IDH3G: variants seen among roughly 807,000 people sequenced by gnomAD.
The protein encoded by IDH3G is isocitrate dehydrogenase (NAD(+)) 3 non-catalytic subunit gamma.
A neutral mutation model predicts 26.9 loss-of-function variants in IDH3G; 9 were observed. The observed-to-expected ratio is 0.34, with a 90% CI of 0.20 to 0.58. IDH3G has a LOEUF of 0.58. IDH3G is among the 20% of genes least tolerant of loss of function. The pLI, the probability that IDH3G is intolerant of heterozygous loss-of-function variation, is 0.85. For synonymous variants in IDH3G, 181 were observed against 160.0 expected (o/e 1.13, Z -0.99); for missense variants, 250 against 372.8 (o/e 0.67, Z 2.71).
intron 1 of IDH3G, chrX:153,793,943 G>A (rs1352997954): frequency 4.6e-6 from 1 of 218,962 alleles, no homozygotes; most frequent in Non-Finnish European, 8.3e-6. Context: ...ATACGTGAGT[G>A]ACTGCCTCAG....
At chrX:153,791,163 C>T (rs1321309162) in intron 1 of IDH3G, 1 of 300,563 alleles carries the variant, frequency 3.3e-6, no homozygotes, top group African/African-American at 2.7e-5. Flanking sequence ...GTTATTCCCG[C>T]TCAGCGATGT....
rs782138018 is a variant in IDH3G, at chrX:153,786,962, G to T, written c.778-15C>A. ...CGGGACACCAGCTGCGGGACAAGGA[G>T]GGGGCTGGCTGAGGAGCAGATTCGG... On this transcript the variant is annotated splice_polypyrimidine_tract_variant and intron_variant, in intron 9 of 12. Coordinates refer to ENST00000217901, the MANE Select transcript of IDH3G (RefSeq NM_004135.4). 1.7e-6 allele frequency: 2 copies of T among 1,203,963 alleles called. No individual in the cohort carries two copies. The highest frequency in any genetic ancestry group is 3.5e-5 in the South Asian group (2 of 56,637).
intron 10 of IDH3G, 93 bp from the exon 11 acceptor site, chrX:153,786,542 A>G (rs2092088814): frequency 2.7e-6 from 2 of 750,731 alleles, no homozygotes; most frequent in Admixed American, 2.8e-5. Flanking sequence ...AAGCCACTCC[A>G]CAGGGACAAA....
At chrX:153,792,695 T>C (rs1331507755) in intron 1 of IDH3G, among the ~76,000 whole-genome samples, 2 of 112,679 alleles carry the variant, frequency 1.8e-5, no homozygotes, top group Admixed American at 9.4e-5. Flanking sequence ...CCGGTCCCTG[T>C]GCCAGGTGTT....
rs73634686 is a variant in IDH3G at position 153,787,004 on chromosome X, A to C, written c.777+47T>G. ...CAGATTCGGAAGCATGGGTGAGAGA[A>C]GCCCAGGGCACTCAGGGCAGGGGGA... is the stretch of plus-strand genomic sequence containing the variant. On this transcript the variant is annotated intron_variant, in intron 9 of 12. Coordinates refer to ENST00000217901, the MANE Select transcript of IDH3G (RefSeq NM_004135.4). 1,176 of 1,192,358 alleles carry C rather than the reference A, an allele frequency of 9.9e-4. 9 individuals are homozygous for C. The African/African-American group carries it at 0.019, about 19-fold the overall frequency.
Position 153,793,025 on chromosome X carries a change from C to T in IDH3G, c.81+1221G>A, listed in dbSNP as rs781907517. 1.2e-4 allele frequency among the ~76,000 whole-genome samples: 13 copies of T among 112,163 alleles called. No individual in the cohort carries two copies. The East Asian group carries it at 2.3e-3, about 19-fold the overall frequency. On this transcript the variant is annotated intron_variant, in intron 1 of 12. Transcript: ENST00000217901. ...ATGGTGGCTGCATGTTTTCCTATGG[C>T]GTCCAAATCAGTGGGATTCAAGACC...
At chrX:153,787,366 G>C in intron 8 of IDH3G, 98 bp downstream of exon 8, 1 of 1,079,152 alleles carries the variant, frequency 9.3e-7, no homozygotes, top group South Asian at 2.1e-5. Flanking sequence ...GCACCTCGGT[G>C]GGTAGCTGGG....
intron 2 of IDH3G, 90 bp from the exon 3 acceptor site, chrX:153,790,665 G>T: frequency 9.1e-7 from 1 of 1,094,768 alleles, no homozygotes; most frequent in Middle Eastern, 2.4e-4. Context: ...TTCCCAGGGG[G>T]ATGCTGGCTA....
intron 7 of IDH3G, 107 bp downstream of exon 7, chrX:153,787,709 GCTTCTCC>G: frequency 8.8e-7 from 1 of 1,135,474 alleles, no homozygotes; most frequent in Non-Finnish European, 1.2e-6. Context: ...CCTATTTCTG[GCTTCTCC>G]CTCGGGCACA....
Position 153,789,882 on chromosome X carries a change from A to G in IDH3G, c.234-58T>C, listed in dbSNP as rs2092103259. ...AGACCCCCCCGCACCTCCTCCAGGA[A>G]GCCTGCCCAGGCTACCTCTCTCCTG... On this transcript the variant is annotated intron_variant, in intron 4 of 12. Coordinates refer to ENST00000217901, the MANE Select transcript of IDH3G (RefSeq NM_004135.4). 1.0e-5 allele frequency: 8 copies of G among 796,980 alleles called. No individual in the cohort carries two copies. In the East Asian group the frequency reaches 2.7e-4, roughly 27 times the overall value. 65.7% of individuals were successfully genotyped at this position (796,980 alleles called of 1,213,427 possible).
chrX:153,786,858 C>G lies in IDH3G; in HGVS notation c.867G>C (p.Gly289=). 8.3e-7 allele frequency: 1 copy of G among 1,210,613 alleles called. No individual in the cohort carries two copies. The highest frequency in any genetic ancestry group is 1.1e-6 in the Non-Finnish European group (1 of 894,703). ...IVNNVCAGLV[G]GPGLVAGANY... ...TGGCCCCAGCCACAAGGCCTGGGCC[C>G]CCGACCAGTCCCGCGCAGACATTGT... The change falls in exon 10 of 13, where the codon GGG becomes GGC. Residue 289 remains glycine (G), a synonymous_variant. Coordinates refer to ENST00000217901, the MANE Select transcript of IDH3G (RefSeq NM_004135.4).
chrX:153,794,282 C>T lies in IDH3G; in HGVS notation c.45G>A (p.Ala15=), dbSNP rs781954273. The change falls in exon 1 of 13, where the codon GCG becomes GCA. Residue 15 remains alanine, a synonymous_variant. Transcript: ENST00000217901. ...GGCAGAGAAGGGCTGGCCCGAGCACCGCCTTCGCGGCGCTGCCGGCGACGG... is the reference window on the plus strand; with the variant it reads ...GGCAGAGAAGGGCTGGCCCGAGCACTGCCTTCGCGGCGCTGCCGGCGACGG... ...VATVAGSAAK[A]VLGPALLCRP... 3.3e-6 allele frequency: 4 copies of T among 1,199,731 alleles called. No homozygotes were observed. In the East Asian group the frequency reaches 9.0e-5, roughly 27 times the overall value.
chrX:153,793,196 CAT>C (rs2092116733), intron 1 of IDH3G, among the ~76,000 whole-genome samples: 1 of 111,446 alleles, frequency 9.0e-6, no homozygotes, highest in South Asian at 3.8e-4. Context: ...AGGAGGCACA[CAT>C]GTCTTCACCA....
In IDH3G at chrX:153,794,230, C is replaced by T. The variant is rs1557071295; in HGVS notation, c.81+16G>A. 8.5e-7 allele frequency: 1 copy of T among 1,179,383 alleles called. No individual in the cohort carries two copies. Among genetic ancestry groups the T allele is most frequent in the Non-Finnish European group, 1.1e-6 (1 of 878,619 alleles). On this transcript the variant is annotated intron_variant, in intron 1 of 12. Transcript: ENST00000217901. ...TGCGACCGCTGCCGCGGTCCCGTGG[C>T]TCTTTCCCTGCTCACCTCCCAGGGA...
chrX:153,792,875 T>C (rs1363147927), intron 1 of IDH3G, among the ~76,000 whole-genome samples: 1 of 112,368 alleles, frequency 8.9e-6, no homozygotes, highest in African/African-American at 3.2e-5. Context: ...GGATGCAATA[T>C]GTACACGCCT....
At position 153,787,077 on chromosome X, in the gene IDH3G, T is replaced by C; in HGVS notation, c.751A>G (p.Met251Val). ...TGCATGGTGGTGTTATCCACAATCATGTTCTCGAAGGTGATCTGAGGGTAG... is the reference window on the plus strand; with the variant it reads ...TGCATGGTGGTGTTATCCACAATCACGTTCTCGAAGGTGATCTGAGGGTAG... ...ARYPQITFEN[M>V]IVDNTTMQLV... The change falls in exon 9 of 13, where the codon ATG (methionine) becomes GTG (valine). Residue 251 changes from methionine to valine, a missense_variant. Coordinates refer to ENST00000217901, the MANE Select transcript of IDH3G (RefSeq NM_004135.4). The C allele has an allele frequency of 2.5e-6, 3 of 1,209,735 alleles. No individual in the cohort carries two copies. The highest frequency in any genetic ancestry group is 3.4e-6 in the Non-Finnish European group (3 of 893,700).
At chrX:153,788,729 G>A (rs1215607756) in intron 5 of IDH3G, among the ~76,000 whole-genome samples, 1 of 113,149 alleles carries the variant, frequency 8.8e-6, no homozygotes, top group African/African-American at 3.2e-5. Context: ...ACAGCGCGGG[G>A]GTCCCCTGTG....
In IDH3G at chrX:153,787,443, CAG is replaced by C; in HGVS notation, c.674+19_674+20del. 6 of 1,206,533 alleles carry C rather than the reference CAG, an allele frequency of 5.0e-6. No homozygotes were observed. The highest frequency in any genetic ancestry group is 6.7e-6 in the Non-Finnish European group (6 of 892,564). The stretch of plus-strand genomic sequence containing the variant: ...ACTGCAGCTGCTTCTGGACTGCTCG[CAG>C]AGAGGTCAGGGGACATACATGATGT... On this transcript the variant is annotated intron_variant, in intron 8 of 12. Transcript: ENST00000217901.
At chrX:153,792,138 C>T (rs1384556076) in intron 1 of IDH3G, 2 of 111,502 alleles carry the variant, frequency 1.8e-5, no homozygotes, top group Admixed American at 1.9e-4. Context: ...CCCTACTTAC[C>T]CCCTTCCCTA....
Sources: gnomAD v4.1 joint callset for allele counts (sites outside exome capture counted in the v4.1 genomes callset) on GRCh38, gnomAD v4.1.1 for gene constraint, MANE v1.5 for transcripts, NCBI Gene and HGNC (gene_info 2026-07-23, HGNC 2026-07-21) for gene names.